Variants in GNAQ observed in about 807,000 individuals in gnomAD.
GNAQ encodes guanine nucleotide-binding protein G(q) subunit alpha.
In GNAQ, 8 loss-of-function variants were observed where a neutral mutation model predicts 43.9. The ratio of observed to expected loss-of-function variants is 0.18; its 90% CI spans 0.11 to 0.33. The LOEUF is 0.33. Among genes scored for constraint, GNAQ ranks in the 10% least tolerant of loss-of-function variants. The probability of loss-of-function intolerance (pLI) is 1.00; values close to 1 mark genes in which losing one functional copy is unlikely to be tolerated. For missense variants in GNAQ, 158 were observed against 450.8 expected, an observed-to-expected ratio of 0.35 and a Z score of 5.88; for synonymous variants, 155 against 170.7, an observed-to-expected ratio of 0.91 and a Z score of 0.71.
At chr9:77,732,325 C>T (rs1208539808) in intron 5 of GNAQ, among the ~76,000 whole-genome samples, 1 of 151,972 alleles carries the variant, frequency 6.6e-6, no homozygotes, top group African/African-American at 2.4e-5. Context: ...GGGGTTTTGA[C>T]CAGTTGGGAA....
Position 77,922,061 on chromosome 9 carries a change from C to A in GNAQ, c.321+100G>T, listed in dbSNP as rs1474452449. The A allele has an allele frequency of 1.0e-5, 7 of 675,090 alleles. No homozygotes were observed. In the South Asian group the frequency reaches 1.5e-4, roughly 14 times the overall value. 41.8% of individuals were successfully genotyped at this position (675,090 alleles called of 1,614,324 possible). A position where few individuals can be genotyped will look rare whatever the true frequency, so the allele number is the denominator to read the frequency against. On this transcript the variant is annotated intron_variant, in intron 2 of 6. Coordinates refer to ENST00000286548, the MANE Select transcript of GNAQ (RefSeq NM_002072.5). The stretch of plus-strand genomic sequence containing the variant: ...TGGAAAATGTATATTTCCAAACCCC[C>A]CTATGCACTCCAGACATGTCAAGAG...
At chr9:78,029,468 TAA>T (rs11322460) in intron 1 of GNAQ, among the ~76,000 whole-genome samples, 14 of 148,064 alleles carry the variant, frequency 9.5e-5, no homozygotes, top group African/African-American at 1.5e-4. Context: ...AAATGAGAAT[TAA>T]AAAAAAAAAA....
chr9:77,759,890 C>CG lies in GNAQ; in HGVS notation c.736-31224_736-31223insC, dbSNP rs1178526824. Among the ~76,000 whole-genome samples the CG allele has an allele frequency of 2.7e-3, 255 of 92,982 alleles. 1 individual carries two copies. Among genetic ancestry groups the CG allele is most frequent in the African/African-American group, 8.0e-3 (238 of 29,720 alleles). The allele number at this position is 92,982 out of a possible 152,430, so 61.0% of individuals were successfully genotyped here. A position where few individuals can be genotyped will look rare whatever the true frequency, so the allele number is the denominator to read the frequency against. On this transcript the variant is annotated intron_variant, in intron 5 of 6. Transcript: ENST00000286548. ...CTATTTCTTCTACCTTTTTCTCTCT[C>CG]TTTTTTTCTTTCTTTCTTTTTTTTC...
At chr9:77,768,674 T>A (rs1002156092) in intron 5 of GNAQ, among the ~76,000 whole-genome samples, 2 of 152,236 alleles carry the variant, frequency 1.3e-5, no homozygotes, top group Non-Finnish European at 2.9e-5. Context: ...TTGGGACTTT[T>A]GTTTAAGAAC....
rs189045696 is a variant in GNAQ at position 77,773,345 on chromosome 9, A to C, written c.735+21118T>G. ...GTTATAACACTAACTTAGCACCAAC[A>C]GTAATAACAGTACCTTAAAATTGAT... On this transcript the variant is annotated intron_variant, in intron 5 of 6. Transcript: ENST00000286548. Among the ~76,000 whole-genome samples, 182 of 152,350 alleles carry C rather than the reference A, an allele frequency of 1.2e-3. 3 individuals carry two copies. Among genetic ancestry groups the C allele is most frequent in the Non-Finnish European group, 2.8e-4 (19 of 68,034 alleles).
At chr9:77,725,579 T>TAA (rs55766160) in intron 6 of GNAQ, among the ~76,000 whole-genome samples, 927 of 57,128 alleles carry the variant, frequency 0.016, 33 homozygotes, top group African/African-American at 0.059. Flanking sequence ...AAGGTAACAG[T>TAA]AAAAAAAAAA....
chr9:77,958,712 C>G (rs1823071677), intron 1 of GNAQ, among the ~76,000 whole-genome samples: 1 of 152,134 alleles, frequency 6.6e-6, no homozygotes, highest in African/African-American at 2.4e-5. Context: ...AACAAACAGG[C>G]AGGTGAAGCA....
intron 1 of GNAQ, among the ~76,000 whole-genome samples, chr9:77,928,701 A>G (rs989441730): frequency 3.3e-5 from 5 of 152,312 alleles, no homozygotes; most frequent in Middle Eastern, 3.4e-3. Context: ...ATATACTAAA[A>G]AACATAAATT....
intron 3 of GNAQ, among the ~76,000 whole-genome samples, chr9:77,808,631 A>G (rs1025961932): frequency 2.0e-5 from 3 of 152,092 alleles, no homozygotes; most frequent in African/African-American, 7.2e-5. Context: ...ACTGCATAGG[A>G]TAATGACTTC....
chr9:77,735,325 ACTTT>A (rs1461866798), intron 5 of GNAQ, among the ~76,000 whole-genome samples: 3 of 152,244 alleles, frequency 2.0e-5, no homozygotes, highest in South Asian at 2.1e-4. Context: ...CAGTTGATTT[ACTTT>A]CTATGTAATG....
rs571152050 is a variant in GNAQ at position 77,952,162 on chromosome 9, AGT to A, written c.137-29819_137-29818del. ...TCTATTTCTCTAACCCACTTAACAAAGTGAGAAAATATGCCCAAAGGTGGGTT... is the reference window on the plus strand; with the variant it reads ...TCTATTTCTCTAACCCACTTAACAAAGAGAAAATATGCCCAAAGGTGGGTT... On this transcript the variant is annotated intron_variant, in intron 1 of 6. Transcript: ENST00000286548. Among the ~76,000 whole-genome samples, 175 of 152,352 alleles carry A rather than the reference AGT, an allele frequency of 1.1e-3. 1 individual carries two copies. The highest frequency in any genetic ancestry group is 3.9e-3 in the African/African-American group (163 of 41,590).
chr9:77,811,146 TG>T (rs770253791), intron 3 of GNAQ, among the ~76,000 whole-genome samples: 19 of 152,106 alleles, frequency 1.2e-4, no homozygotes, highest in Non-Finnish European at 2.5e-4. Context: ...AAATCTACTC[TG>T]AAGACCTACC....
intron 1 of GNAQ, among the ~76,000 whole-genome samples, chr9:78,002,559 T>C (rs1823657183): frequency 6.6e-6 from 1 of 152,190 alleles, no homozygotes; most frequent in Non-Finnish European, 1.5e-5. Context: ...TGGCCTTTTC[T>C]AAGTCAGCTG....
chr9:77,923,870 C>T (rs773916346), intron 1 of GNAQ, among the ~76,000 whole-genome samples: 1 of 152,068 alleles, frequency 6.6e-6, no homozygotes, highest in Non-Finnish European at 1.5e-5. Context: ...GCTAGTAATA[C>T]GCCATCTGTC....
intron 3 of GNAQ, among the ~76,000 whole-genome samples, chr9:77,803,601 T>G (rs976955287): frequency 7.2e-5 from 11 of 152,218 alleles, no homozygotes; most frequent in Admixed American, 7.2e-4. Flanking sequence ...ATTTTGGCCA[T>G]GACATTATGG....
At position 77,931,143 on chromosome 9, in the gene GNAQ, G is replaced by C. The variant is rs528957716; in HGVS notation, c.137-8798C>G. Among the ~76,000 whole-genome samples, 11 of 149,400 alleles carry C rather than the reference G, an allele frequency of 7.4e-5. 1 individual carries two copies. The East Asian group carries it at 2.0e-3, about 28-fold the overall frequency. ...GGGAACAAAATGGGAAGAGGGAACA[G>C]AATGAATGTCATTGAGATGCTTGTA... is the stretch of plus-strand genomic sequence containing the variant. On this transcript the variant is annotated intron_variant, in intron 1 of 6. Coordinates refer to ENST00000286548, the MANE Select transcript of GNAQ (RefSeq NM_002072.5).
At chr9:77,729,292 A>G (rs570444316) in intron 5 of GNAQ, among the ~76,000 whole-genome samples, 1 of 152,338 alleles carries the variant, frequency 6.6e-6, no homozygotes, top group East Asian at 1.9e-4. Context: ...ATTAATATAG[A>G]ATTGTGAAGA....
intron 1 of GNAQ, among the ~76,000 whole-genome samples, chr9:78,019,367 C>G (rs7035568): frequency 4.6e-5 from 7 of 152,198 alleles, no homozygotes; most frequent in African/African-American, 1.4e-4. Flanking sequence ...GACACCCATT[C>G]GTTAGCTCTG....
At chr9:77,836,254 C>CTCT (rs2118565075) in intron 2 of GNAQ, among the ~76,000 whole-genome samples, 1 of 152,002 alleles carries the variant, frequency 6.6e-6, no homozygotes, top group East Asian at 1.9e-4. Flanking sequence ...TGTCCAAGCT[C>CTCT]TCTCCTCCAA....
Sources: gnomAD v4.1 joint callset for allele counts (sites outside exome capture counted in the v4.1 genomes callset) on GRCh38, gnomAD v4.1.1 for gene constraint, MANE v1.5 for transcripts, NCBI Gene and HGNC (gene_info 2026-07-23, HGNC 2026-07-21) for gene names.